Variants in CISTR observed in about 807,000 individuals in gnomAD.
CISTR encodes the protein chondrogenesis-associated transcript.
intron 2 of CISTR, among the ~76,000 whole-genome samples, chr12:53,749,113 T>C (rs1937816114): frequency 6.6e-6 from 1 of 151,082 alleles, no homozygotes; most frequent in Non-Finnish European, 1.5e-5. Context: ...TGGTGGGGTG[T>C]AGGGGAGAGA....
At chr12:53,755,344 G>GTGTGT (rs1593111621) in intron 1 of CISTR, among the ~76,000 whole-genome samples, 1 of 109,680 alleles carries the variant, frequency 9.1e-6, no homozygotes, top group Admixed American at 8.9e-5. Context: ...TGTGTGTGTG[G>GTGTGT]TAGGAAATGT....
At chr12:53,746,564 T>C (rs1258771306) in exon 3 of CISTR, among the ~76,000 whole-genome samples, 1 of 151,962 alleles carries the variant, frequency 6.6e-6, no homozygotes, top group Non-Finnish European at 1.5e-5. Context: ...GAACGAGAAA[T>C]GGAAGGGAGG....
intron 1 of CISTR, among the ~76,000 whole-genome samples, chr12:53,755,308 G>GGTGGGT (rs1937902105): frequency 6.8e-6 from 1 of 147,150 alleles, no homozygotes; most frequent in Non-Finnish European, 1.5e-5. Flanking sequence ...TCCTGTTTGG[G>GGTGGGT]GTGTGTGTGT....
At chr12:53,746,481 C>A (rs769176514) in exon 3 of CISTR, among the ~76,000 whole-genome samples, 2 of 152,030 alleles carry the variant, frequency 1.3e-5, no homozygotes, top group African/African-American at 4.8e-5. Flanking sequence ...CACGGAGGAG[C>A]GTGGGTGTCA....
rs139916241 is a variant in CISTR, at chr12:53,750,524, AGT to A, written n.854_855del. ...ACTAACGTGTCAGGTAGAGTGTGTG[AGT>A]GTGTGTGTGTGTGCACTCACACTTG... is the stretch of plus-strand genomic sequence containing the variant. On this transcript the variant is annotated non_coding_transcript_exon_variant, in exon 2 of 3. Coordinates refer to ENST00000669269, the Ensembl canonical transcript of CISTR. 9.3e-4 allele frequency: 141 copies of A among 151,780 alleles called. 1 individual carries two copies. The highest frequency in any genetic ancestry group is 3.4e-3 in the Middle Eastern group (1 of 294). 9.4% of individuals were successfully genotyped at this position (151,780 alleles called of 1,614,324 possible).
At position 53,752,288 on chromosome 12, in the gene CISTR, C is replaced by T. The variant is rs992553289; in HGVS notation, n.415-1323G>A. On this transcript the variant is annotated intron_variant and non_coding_transcript_variant, in intron 1 of 2. Transcript: ENST00000669269. ...CTCCCGCACCCTACTAATTGGGGCT[C>T]TTCTGGACCGATCCAACCAGCGAAG... is the stretch of plus-strand genomic sequence containing the variant. 4.6e-5 allele frequency among the ~76,000 whole-genome samples: 7 copies of T among 152,238 alleles called. No individual in the cohort carries two copies. In the East Asian group the frequency reaches 7.7e-4, roughly 17 times the overall value.
chr12:53,747,305 C>A (rs1937793724), intron 2 of CISTR, among the ~76,000 whole-genome samples: 1 of 152,184 alleles, frequency 6.6e-6, no homozygotes, highest in East Asian at 1.9e-4. Flanking sequence ...GCATATTTGA[C>A]AGATGCTGAC....
chr12:53,747,059 G>A (rs11170674), intron 2 of CISTR, among the ~76,000 whole-genome samples: 6,055 of 152,214 alleles, frequency 0.04, 351 homozygotes, highest in East Asian at 0.28. Context: ...TTGAACAGAG[G>A]GCAATTTCTC....
chr12:53,748,027 G>A (rs1565658344), intron 2 of CISTR, among the ~76,000 whole-genome samples: 2 of 152,170 alleles, frequency 1.3e-5, no homozygotes, highest in African/African-American at 4.8e-5. Flanking sequence ...GGGAGAGGGG[G>A]CCCTTGGGTG....
In CISTR at chr12:53,751,156, C is replaced by A. The variant is rs1937845480; in HGVS notation, n.415-191G>T. ...TGCCCACGCGCAATACCCTCCTGGC[C>A]CACAGGCCTCCGCACGCACAGGACA... is the stretch of plus-strand genomic sequence containing the variant. On this transcript the variant is annotated intron_variant and non_coding_transcript_variant, in intron 1 of 2. Coordinates refer to ENST00000669269, the Ensembl canonical transcript of CISTR. The surrounding 1 kb of genome is among the most constrained non-coding windows in gnomAD (Gnocchi z 4.6). Among the ~76,000 whole-genome samples the A allele has an allele frequency of 6.6e-6, 1 of 152,060 alleles. No individual in the cohort carries two copies. The highest frequency in any genetic ancestry group is 6.6e-5 in the Admixed American group (1 of 15,254).
At chr12:53,750,428 A>T (rs1320506868) in exon 2 of CISTR, 1 of 152,536 alleles carries the variant, frequency 6.6e-6, no homozygotes, top group African/African-American at 2.4e-5. Context: ...GGGGAATGGA[A>T]GGGGGCAGGT....
intron 1 of CISTR, among the ~76,000 whole-genome samples, chr12:53,755,602 A>AC (rs55666598): frequency 0.55 from 82,822 of 151,874 alleles, 24,533 homozygotes; most frequent in African/African-American, 0.8. Flanking sequence ...CTTTAATTAC[A>AC]GTAAGCCCTG....
At position 53,753,335 on chromosome 12, in the gene CISTR, T is replaced by A. The variant is rs1035192798; in HGVS notation, n.415-2370A>T. ...TAGGCTCATGGTAAGATGAGGCTGG[T>A]CGTCAAGACCAACCAAGAGGCATGG... On this transcript the variant is annotated intron_variant and non_coding_transcript_variant, in intron 1 of 2. Coordinates refer to ENST00000669269, the Ensembl canonical transcript of CISTR. Among the ~76,000 whole-genome samples the A allele has an allele frequency of 3.9e-5, 6 of 152,246 alleles. No homozygotes were observed. The South Asian group carries it at 1.0e-3, about 26-fold the overall frequency.
intron 1 of CISTR, among the ~76,000 whole-genome samples, chr12:53,755,308 G>GTGTGTGT (rs1937902012): frequency 6.8e-6 from 1 of 147,150 alleles, no homozygotes; most frequent in Non-Finnish European, 1.5e-5. Flanking sequence ...TCCTGTTTGG[G>GTGTGTGT]GTGTGTGTGT....
intron 2 of CISTR, among the ~76,000 whole-genome samples, chr12:53,749,606 C>T (rs1937823546): frequency 6.6e-6 from 1 of 152,006 alleles, no homozygotes; most frequent in Non-Finnish European, 1.5e-5. Context: ...TATTCCAATG[C>T]ATGCTATCTC....
intron 2 of CISTR, among the ~76,000 whole-genome samples, chr12:53,746,907 C>T (rs141137453): frequency 5.2e-4 from 79 of 152,342 alleles, no homozygotes; most frequent in African/African-American, 1.9e-3. Flanking sequence ...GCAGCTTTCC[C>T]CCAACAGTTT....
At chr12:53,747,402 G>A (rs1193015751) in intron 2 of CISTR, among the ~76,000 whole-genome samples, 1 of 152,158 alleles carries the variant, frequency 6.6e-6, no homozygotes, top group African/African-American at 2.4e-5. Flanking sequence ...ATGCTCATTA[G>A]TGATTGCCTG....
intron 1 of CISTR, among the ~76,000 whole-genome samples, chr12:53,753,052 T>TCACACACA (rs760615546): frequency 0.031 from 3,756 of 121,100 alleles, 68 homozygotes; most frequent in East Asian, 0.056. Flanking sequence ...CATCTATACA[T>TCACACACA]CACACACACA....
intron 1 of CISTR, among the ~76,000 whole-genome samples, chr12:53,753,717 T>C (rs1042603108): frequency 1.3e-5 from 2 of 151,634 alleles, no homozygotes; most frequent in African/African-American, 4.8e-5. Context: ...TGTGTGTGTC[T>C]GTGTGTTGGG....
Sources: gnomAD v4.1 joint callset for allele counts (sites outside exome capture counted in the v4.1 genomes callset) on GRCh38, gnomAD v4.1.1 for gene constraint, Gnocchi (gnomAD v3.1) non-coding constraint, MANE v1.5 for transcripts, NCBI Gene and HGNC (gene_info 2026-07-23, HGNC 2026-07-21) for gene names.